The following MGST2 variants were observed in gnomAD, a reference collection of about 807,000 sequenced individuals.
MGST2 encodes the protein glutathione peroxidase MGST2.
A neutral mutation model predicts 16.6 loss-of-function variants in MGST2; 9 were observed. The ratio of observed to expected loss-of-function variants is 0.54; its 90% CI spans 0.33 to 0.95. The LOEUF (loss-of-function observed/expected upper bound fraction) is 0.95. Ranked by LOEUF, MGST2 falls within the 40% of genes least tolerant of loss-of-function variation. The pLI is 0.03. For missense variants in MGST2, 159 were observed against 175.1 expected (o/e 0.91, Z 0.52); for synonymous variants, 79 against 68.0 (o/e 1.16, Z -0.79).
At chr4:139,699,477 T>G (rs1399099112) in intron 3 of MGST2, among the ~76,000 whole-genome samples, 1 of 152,234 alleles carries the variant, frequency 6.6e-6, no homozygotes, top group Non-Finnish European at 1.5e-5. Context: ...GTTTTGTGCA[T>G]TTGTGACAGA....
At chr4:139,711,169 A>G (rs1727725939) in intron 5 of MGST2, among the ~76,000 whole-genome samples, 1 of 152,054 alleles carries the variant, frequency 6.6e-6, no homozygotes, top group Admixed American at 6.5e-5. Flanking sequence ...ATGCATCACC[A>G]TGACCGGCTG....
At chr4:139,685,059 G>A (rs1409961235) in intron 2 of MGST2, 2 of 152,354 alleles carry the variant, frequency 1.3e-5, no homozygotes, top group African/African-American at 4.8e-5. Context: ...GGTAAGGATG[G>A]TCTCAGTCTT....
intron 5 of MGST2, among the ~76,000 whole-genome samples, chr4:139,721,667 T>G (rs1728238956): frequency 6.6e-6 from 1 of 152,216 alleles, no homozygotes; most frequent in Non-Finnish European, 1.5e-5. Context: ...GTCTCAAGTT[T>G]TTGTGGCTTG....
intron 5 of MGST2, among the ~76,000 whole-genome samples, chr4:139,726,565 T>C (rs537425670): frequency 6.6e-6 from 1 of 151,902 alleles, no homozygotes; most frequent in African/African-American, 2.4e-5. Flanking sequence ...AAGCAACTGC[T>C]TTTTAATGAC....
At chr4:139,692,910 G>T (rs1273740713) in intron 2 of MGST2, among the ~76,000 whole-genome samples, 1 of 152,186 alleles carries the variant, frequency 6.6e-6, no homozygotes, top group Non-Finnish European at 1.5e-5. Context: ...CCAAGCCAAG[G>T]CCACTAGAAA....
chr4:139,745,961 T>TC, the MGST2 span, among the ~76,000 whole-genome samples: 4 of 152,262 alleles, frequency 2.6e-5, no homozygotes, highest in East Asian at 7.7e-4. Flanking sequence ...AACTTGTTTC[T>TC]CCAACTTTCT....
At chr4:139,746,343 G>C in the MGST2 span, among the ~76,000 whole-genome samples, 3 of 152,158 alleles carry the variant, frequency 2.0e-5, no homozygotes, top group African/African-American at 4.8e-5. Context: ...TATGATTGAA[G>C]TTAAGAATAC....
chr4:139,741,191 T>C (rs1363835747), downstream of MGST2, among the ~76,000 whole-genome samples: 1 of 152,038 alleles, frequency 6.6e-6, no homozygotes, highest in East Asian at 1.9e-4. Context: ...CAGAAACACT[T>C]AGAAATCTGG....
At chr4:139,750,937 G>A in the MGST2 span, among the ~76,000 whole-genome samples, 2 of 152,130 alleles carry the variant, frequency 1.3e-5, no homozygotes, top group Non-Finnish European at 2.9e-5. Flanking sequence ...ATCTTTTATG[G>A]GTAGTGGGAG....
At chr4:139,727,261 T>G (rs1035135429) in intron 5 of MGST2, among the ~76,000 whole-genome samples, 8 of 152,204 alleles carry the variant, frequency 5.3e-5, no homozygotes, top group Non-Finnish European at 8.8e-5. Flanking sequence ...TACAGAAAAC[T>G]GTTGAAATTA....
Position 139,720,351 on chromosome 4 carries a change from C to T in MGST2, c.*48+16155C>T, listed in dbSNP as rs1728187158. On this transcript the variant is annotated intron_variant, in intron 5 of 5. Coordinates refer to the MGST2 transcript ENST00000616265. ...GCAGTGAAAAAGAGGACACATACCA[C>T]TCACTCTTCTCCATAAGCAATATAC... 3.3e-6 allele frequency: 5 copies of T among 1,506,942 alleles called. No individual in the cohort carries two copies. In the South Asian group the frequency reaches 6.7e-5, roughly 20 times the overall value. 93.3% of individuals were successfully genotyped at this position (1,506,942 alleles called of 1,614,324 possible).
chr4:139,702,809 T>G (rs1241119606), intron 3 of MGST2, among the ~76,000 whole-genome samples: 2 of 147,234 alleles, frequency 1.4e-5, no homozygotes, highest in African/African-American at 4.9e-5. Flanking sequence ...CGGATTCCAG[T>G]TGCTTCACAT....
intron 5 of MGST2, among the ~76,000 whole-genome samples, chr4:139,716,228 GC>G (rs1727952592): frequency 6.6e-6 from 1 of 152,128 alleles, no homozygotes; most frequent in African/African-American, 2.4e-5. Flanking sequence ...AAACTTCTAA[GC>G]ACTTTCAATT....
intron 1 of MGST2, among the ~76,000 whole-genome samples, chr4:139,667,403 A>G (rs1730423405): frequency 6.7e-6 from 1 of 150,286 alleles, no homozygotes; most frequent in Non-Finnish European, 1.5e-5. Context: ...AGATGTCCCA[A>G]AGCTGACAGA....
At chr4:139,704,672 C>T (rs1175400823), downstream of MGST2, among the ~76,000 whole-genome samples, 1 of 152,196 alleles carries the variant, frequency 6.6e-6, no homozygotes, top group East Asian at 1.9e-4. Context: ...CCTGTAATCC[C>T]AGCACTTTGA....
chr4:139,708,259 C>A (rs533175897), downstream of MGST2, among the ~76,000 whole-genome samples: 809 of 152,272 alleles, frequency 5.3e-3, 8 homozygotes, highest in African/African-American at 0.018. Context: ...AGGAAGGGAT[C>A]CAGTTTCAGC....
At chr4:139,736,651 T>C (rs572873149) in intron 5 of MGST2, among the ~76,000 whole-genome samples, 2 of 152,260 alleles carry the variant, frequency 1.3e-5, no homozygotes, top group East Asian at 3.9e-4. Flanking sequence ...TAACTAAAAA[T>C]TAGGGGTTCT....
rs376629555 is a variant in MGST2 at position 139,720,344 on chromosome 4, C to G, written c.*48+16148C>G. The G allele has an allele frequency of 5.3e-6, 8 of 1,512,138 alleles. No individual in the cohort carries two copies. In the African/African-American group the frequency reaches 9.8e-5, roughly 18 times the overall value. 93.7% of individuals were successfully genotyped at this position (1,512,138 alleles called of 1,614,324 possible). A position where few individuals can be genotyped will look rare whatever the true frequency, so the allele number is the denominator to read the frequency against. On this transcript the variant is annotated intron_variant, in intron 5 of 5. Coordinates refer to the MGST2 transcript ENST00000616265. The stretch of plus-strand genomic sequence containing the variant: ...AGAACCTGCAGTGAAAAAGAGGACA[C>G]ATACCACTCACTCTTCTCCATAAGC...
the MGST2 span, among the ~76,000 whole-genome samples, chr4:139,747,508 A>G: frequency 6.6e-6 from 1 of 152,108 alleles, no homozygotes; most frequent in Non-Finnish European, 1.5e-5. Context: ...AGCATGGCCA[A>G]CATGGTGAAA....
Sources: gnomAD v4.1 joint callset for allele counts (sites outside exome capture counted in the v4.1 genomes callset) on GRCh38, gnomAD v4.1.1 for gene constraint, MANE v1.5 for transcripts, NCBI Gene and HGNC (gene_info 2026-07-23, HGNC 2026-07-21) for gene names.